RBFOX1: variants seen among roughly 807,000 people sequenced by gnomAD.
RBFOX1 encodes RNA binding protein fox-1 homolog 1.
Under a neutral mutation model 57.7 loss-of-function variants are expected in RBFOX1, and 8 were observed. The observed-to-expected ratio is 0.14, with a 90% CI of 0.08 to 0.25. The LOEUF is 0.25. RBFOX1 is among the 10% of genes least tolerant of loss of function. The pLI, the probability that RBFOX1 is intolerant of heterozygous loss-of-function variation, is 1.00. For missense variants in RBFOX1, 611 were observed against 548.5 expected (o/e 1.11, Z -1.14); for synonymous variants, 326 against 222.4 (o/e 1.47, Z -4.15).
intron 2 of RBFOX1, among the ~76,000 whole-genome samples, chr16:6,473,599 AGAAATAAAGACCAACC>A (rs982710992): frequency 8.6e-5 from 13 of 152,008 alleles, no homozygotes; most frequent in African/African-American, 2.9e-4. Context: ...TCTTTATTGA[AGAAATAAAGACCAACC>A]AAATAAAAAT....
Position 7,630,679 on chromosome 16 carries a change from T to G in RBFOX1, c.753T>G (p.Ser251=). The stretch of plus-strand genomic sequence containing the variant: ...CCCCCAGTTCACTTGTATATACTTC[T>G]GCAAGTAAGCCCACTGTCGTGGCTC... ...YSAPSSLVYT[S]AMPGFPYPAA... The change falls in exon 11 of 16, where the codon TCT becomes TCG. Residue 251 remains serine, a synonymous_variant. Transcript: ENST00000550418. The G allele has an allele frequency of 6.2e-7, 1 of 1,614,222 alleles. No homozygotes were observed. The highest frequency in any genetic ancestry group is 8.5e-7 in the Non-Finnish European group (1 of 1,180,048).
intron 3 of RBFOX1, among the ~76,000 whole-genome samples, chr16:5,685,906 G>A (rs905051213): frequency 7.9e-5 from 12 of 152,300 alleles, no homozygotes; most frequent in South Asian, 4.1e-4. Context: ...TTGCAGCAAT[G>A]TTTGTCATGC....
intron 4 of RBFOX1, among the ~76,000 whole-genome samples, chr16:7,062,142 C>T (rs150716503): frequency 7.3e-4 from 111 of 151,310 alleles, no homozygotes; most frequent in African/African-American, 2.5e-3. Context: ...ACGGTGAAAC[C>T]CCATCTCTAC....
chr16:7,195,067 T>C (rs1407754156), intron 4 of RBFOX1, among the ~76,000 whole-genome samples: 1 of 152,172 alleles, frequency 6.6e-6, no homozygotes, highest in African/African-American at 2.4e-5. Flanking sequence ...TTTAAAAAAT[T>C]ATACTCTCTG....
chr16:6,555,524 C>G (rs1327425027), intron 2 of RBFOX1, among the ~76,000 whole-genome samples: 1 of 152,086 alleles, frequency 6.6e-6, no homozygotes, highest in Admixed American at 6.5e-5. Context: ...ACAGTGAAAC[C>G]CCGTCTCTAC....
chr16:6,549,511 G>C (rs1349230508), intron 2 of RBFOX1, among the ~76,000 whole-genome samples: 6 of 100,022 alleles, frequency 6.0e-5, no homozygotes, highest in African/African-American at 3.1e-4. Context: ...GAGGGGAAGA[G>C]GAGGAGGAGA....
chr16:6,914,329 C>T (rs558995515), intron 3 of RBFOX1, among the ~76,000 whole-genome samples: 7 of 152,086 alleles, frequency 4.6e-5, no homozygotes, highest in Admixed American at 2.0e-4. Context: ...ATATCTAGTC[C>T]GGGGTGTCTG....
At chr16:6,969,566 C>T (rs547568518) in intron 3 of RBFOX1, among the ~76,000 whole-genome samples, 1 of 151,496 alleles carries the variant, frequency 6.6e-6, no homozygotes, top group Non-Finnish European at 1.5e-5. Context: ...GAGACCTCGT[C>T]TCTACAAAAA....
At position 6,946,238 on chromosome 16, in the gene RBFOX1, C is replaced by G. The variant is rs1480277860; in HGVS notation, c.-15-105819C>G. On this transcript the variant is annotated intron_variant, in intron 3 of 15. Coordinates refer to ENST00000550418, the MANE Select transcript of RBFOX1 (RefSeq NM_018723.4). Reference sequence around the variant, plus strand: ...GGGTGCCATATGGTTTCTGTGATAACTGCTCCACTACATCCTTGTAGTACA... The same window carrying G: ...GGGTGCCATATGGTTTCTGTGATAAGTGCTCCACTACATCCTTGTAGTACA... Among the ~76,000 whole-genome samples the G allele has an allele frequency of 2.6e-5, 4 of 152,222 alleles. No individual in the cohort carries two copies. The East Asian group carries it at 7.7e-4, about 29-fold the overall frequency.
At chr16:6,767,383 A>G (rs998898549) in intron 3 of RBFOX1, among the ~76,000 whole-genome samples, 2 of 152,170 alleles carry the variant, frequency 1.3e-5, no homozygotes, top group Non-Finnish European at 2.9e-5. Context: ...CCTCCTAGAA[A>G]GACCACAGGG....
chr16:6,418,725 A>G (rs1022601831), intron 2 of RBFOX1, among the ~76,000 whole-genome samples: 9 of 151,974 alleles, frequency 5.9e-5, no homozygotes, highest in African/African-American at 2.2e-4. Flanking sequence ...ATGGGATCAC[A>G]CTATATTGCC....
chr16:5,630,020 G>T (rs1376249767), intron 3 of RBFOX1, among the ~76,000 whole-genome samples: 1 of 152,198 alleles, frequency 6.6e-6, no homozygotes, highest in Non-Finnish European at 1.5e-5. Context: ...CCTGGGAGGT[G>T]CTCTTTGCAG....
intron 1 of RBFOX1, among the ~76,000 whole-genome samples, chr16:6,113,352 C>T (rs753305724): frequency 1.3e-5 from 2 of 152,208 alleles, no homozygotes; most frequent in Non-Finnish European, 2.9e-5. Flanking sequence ...TAAGCATCAA[C>T]ATAGCCACCA....
intron 1 of RBFOX1, among the ~76,000 whole-genome samples, chr16:5,259,208 T>C (rs2062666785): frequency 6.6e-6 from 1 of 152,066 alleles, no homozygotes; most frequent in Non-Finnish European, 1.5e-5. Context: ...TTTAGTGTTT[T>C]CCATAGTTCC....
At chr16:6,483,310 G>T in intron 2 of RBFOX1, 2 of 1,404,732 alleles carry the variant, frequency 1.4e-6, no homozygotes, top group Non-Finnish European at 1.8e-6. Flanking sequence ...TCGCGCCCGC[G>T]CGCTCGGGGC....
intron 2 of RBFOX1, among the ~76,000 whole-genome samples, chr16:6,551,445 G>A (rs1272655134): frequency 6.6e-6 from 1 of 152,160 alleles, no homozygotes; most frequent in Non-Finnish European, 1.5e-5. Flanking sequence ...CTAAAGGATC[G>A]TATAATTTTA....
chr16:5,464,702 G>T (rs1217551935), intron 1 of RBFOX1, among the ~76,000 whole-genome samples: 1 of 152,216 alleles, frequency 6.6e-6, no homozygotes. Context: ...GTGGAGGGTG[G>T]ATGGCAAGAA....
chr16:6,305,573 C>T (rs181638532), intron 1 of RBFOX1, among the ~76,000 whole-genome samples: 11 of 151,490 alleles, frequency 7.3e-5, no homozygotes, highest in Admixed American at 7.2e-4. Context: ...TCTCAAGGCC[C>T]TCTTCAGCTT....
intron 3 of RBFOX1, among the ~76,000 whole-genome samples, chr16:6,989,039 A>G (rs2090944801): frequency 6.6e-6 from 1 of 152,064 alleles, no homozygotes; most frequent in Admixed American, 6.6e-5. Flanking sequence ...CTGGGATTAT[A>G]AGCGTGAGCC....
Sources: allele counts gnomAD v4.1 joint callset (sites outside exome capture counted in the v4.1 genomes callset), GRCh38; gene constraint gnomAD v4.1.1; transcripts MANE v1.5; gene names NCBI Gene and HGNC (gene_info 2026-07-23, HGNC 2026-07-21).